PXYLP1: variants seen among roughly 807,000 people sequenced by gnomAD.
PXYLP1 encodes 2-phosphoxylose phosphatase 1.
In PXYLP1, 17 loss-of-function variants were observed where a neutral mutation model predicts 37.9. The ratio of observed to expected loss-of-function variants is 0.45; its 90% confidence interval spans 0.31 to 0.67. The LOEUF is 0.67. PXYLP1 is among the 30% of genes least tolerant of loss of function. PXYLP1 has a pLI of 0.07. For synonymous variants in PXYLP1, 221 were observed against 232.2 expected, an observed-to-expected ratio of 0.95 and a Z score of 0.44; for missense variants, 511 against 612.0, an observed-to-expected ratio of 0.84 and a Z score of 1.74.
chr3:141,270,644 GGGGGTGTTTTA>G (rs1941639286), intron 2 of PXYLP1, among the ~76,000 whole-genome samples: 1 of 152,162 alleles, frequency 6.6e-6, no homozygotes, highest in African/African-American at 2.4e-5. Flanking sequence ...TGGCAGGACT[GGGGGTGTTTTA>G]GCTTATGAGG....
At chr3:141,288,655 AG>A in intron 5 of PXYLP1, among the ~76,000 whole-genome samples, 1 of 152,200 alleles carries the variant, frequency 6.6e-6, no homozygotes, top group East Asian at 1.9e-4. Flanking sequence ...GCACTTTGGG[AG>A]GCTGAGGCAG....
At chr3:141,262,016 A>G (rs1161333559) in intron 2 of PXYLP1, 1 of 152,960 alleles carries the variant, frequency 6.5e-6, no homozygotes, top group Non-Finnish European at 1.5e-5. Context: ...TTTCTGTTGC[A>G]GTTTGAATGA....
chr3:141,280,275 G>A (rs181394928), intron 4 of PXYLP1, among the ~76,000 whole-genome samples: 3 of 152,338 alleles, frequency 2.0e-5, no homozygotes, highest in South Asian at 2.1e-4. Flanking sequence ...AGCCTGCCCC[G>A]GGAGGGCGAG....
rs141760656 is a variant in PXYLP1 at position 141,260,192 on chromosome 3, G to A, written c.17G>A (p.Arg6His). MLFRN[R>H]FLLLLALAAL... ...TACTTAATAATGCTTTTCCGCAACCGCTTCTTGCTGCTGCTGGCCCTGGCT... is the reference window on the plus strand; with the variant it reads ...TACTTAATAATGCTTTTCCGCAACCACTTCTTGCTGCTGCTGGCCCTGGCT... The change falls in exon 2 of 6, where the codon CGC becomes CAC. Residue 6 changes from arginine to histidine, a missense_variant. Transcript: ENST00000286353. 1.4e-5 allele frequency: 22 copies of A among 1,613,660 alleles called. No homozygotes were observed. The highest frequency in any genetic ancestry group is 1.0e-4 in the Admixed American group (6 of 59,998).
chr3:141,253,870 T>TC (rs1309906134), intron 1 of PXYLP1, among the ~76,000 whole-genome samples: 3 of 131,722 alleles, frequency 2.3e-5, no homozygotes, highest in African/African-American at 5.5e-5. Flanking sequence ...TAATATATAT[T>TC]AGATATGTAT....
chr3:141,289,951 A>G (rs942491977), intron 5 of PXYLP1, among the ~76,000 whole-genome samples: 1 of 152,154 alleles, frequency 6.6e-6, no homozygotes, highest in African/African-American at 2.4e-5. Flanking sequence ...TATCATCATC[A>G]TCGTTTCTAA....
chr3:141,260,380 C>A, intron 2 of PXYLP1, 126 bp downstream of exon 2: 3 of 1,099,732 alleles, frequency 2.7e-6, no homozygotes, highest in Non-Finnish European at 3.8e-6. Flanking sequence ...TTATTGTTGG[C>A]ACTCACAGTG....
intron 2 of PXYLP1, among the ~76,000 whole-genome samples, chr3:141,264,894 T>G (rs997144942): frequency 2.0e-5 from 3 of 152,208 alleles, no homozygotes; most frequent in Non-Finnish European, 4.4e-5. Flanking sequence ...ACCTGGCACA[T>G]AGTAATCACT....
At chr3:141,267,236 G>A (rs986950293) in intron 2 of PXYLP1, 1 of 152,212 alleles carries the variant, frequency 6.6e-6, no homozygotes, top group Admixed American at 6.5e-5. Context: ...AGAGTGGTAT[G>A]TTTGAATGTG....
intron 1 of PXYLP1, among the ~76,000 whole-genome samples, chr3:141,253,261 G>C (rs1941185586): frequency 6.6e-6 from 1 of 152,170 alleles, no homozygotes; most frequent in Non-Finnish European, 1.5e-5. Flanking sequence ...TGGGTGCTGG[G>C]CCAGGCAAGC....
intron 2 of PXYLP1, chr3:141,274,050 G>A: frequency 1.0e-6 from 1 of 987,204 alleles, no homozygotes. Flanking sequence ...GCTGTCATCT[G>A]CCTGAGGTCA....
intron 1 of PXYLP1, among the ~76,000 whole-genome samples, chr3:141,255,144 C>A (rs1241174503): frequency 6.6e-6 from 1 of 152,202 alleles, no homozygotes; most frequent in Non-Finnish European, 1.5e-5. Context: ...AAATTGTATT[C>A]TAAAATCTTT....
chr3:141,254,614 A>C (rs1340917944), intron 1 of PXYLP1, among the ~76,000 whole-genome samples: 1 of 151,728 alleles, frequency 6.6e-6, no homozygotes, highest in African/African-American at 2.4e-5. Flanking sequence ...TGGCAATTAA[A>C]CTCCACTTTG....
chr3:141,277,140 G>A (rs1201335598), intron 2 of PXYLP1, among the ~76,000 whole-genome samples: 1 of 152,118 alleles, frequency 6.6e-6, no homozygotes, highest in Non-Finnish European at 1.5e-5. Flanking sequence ...TTTTATCTTT[G>A]TTTATGGCAT....
In PXYLP1 at chr3:141,279,430, C is replaced by T. The variant is rs751479859; in HGVS notation, c.291C>T (p.His97=). 2.0e-5 allele frequency: 33 copies of T among 1,614,090 alleles called. No individual in the cohort carries two copies. In the East Asian group the frequency reaches 4.7e-4, roughly 23 times the overall value. Residue 97 remains histidine, a synonymous_variant, in exon 4 of 6, where the codon CAC becomes CAT. Coordinates refer to ENST00000286353, the MANE Select transcript of PXYLP1 (RefSeq NM_001037172.3). ...TCTCAGTGCATGTGTTCATTCGCCA[C>T]GGAGACAGGTACCCACTGTATGTCA... is the stretch of plus-strand genomic sequence containing the variant. The part of the protein sequence containing the change: ...KLVSVHVFIR[H]GDRYPLYVIP...
chr3:141,262,418 TAC>T, intron 2 of PXYLP1: 2 of 846,280 alleles, frequency 2.4e-6, no homozygotes, highest in South Asian at 1.1e-4. Flanking sequence ...GGTAGGATGT[TAC>T]AGTCAACCCT....
chr3:141,238,150 A>G (rs944042274), intron 1 of PXYLP1, among the ~76,000 whole-genome samples: 3 of 152,236 alleles, frequency 2.0e-5, no homozygotes, highest in African/African-American at 4.8e-5. Flanking sequence ...GAGAGCAGGT[A>G]GGGGACTAGC....
intron 1 of PXYLP1, among the ~76,000 whole-genome samples, chr3:141,241,911 G>A (rs1209404444): frequency 6.6e-6 from 1 of 152,156 alleles, no homozygotes; most frequent in Non-Finnish European, 1.5e-5. Context: ...CTTGTGCCCT[G>A]TCCCTCTGTG....
chr3:141,250,630 A>G (rs906491115), intron 1 of PXYLP1, among the ~76,000 whole-genome samples: 7 of 152,240 alleles, frequency 4.6e-5, no homozygotes, highest in African/African-American at 1.7e-4. Flanking sequence ...TGCTTCCAGT[A>G]GAGATGAACA....
Sources: allele counts gnomAD v4.1 joint callset (sites outside exome capture counted in the v4.1 genomes callset), GRCh38; gene constraint gnomAD v4.1.1; transcripts MANE v1.5; gene names NCBI Gene and HGNC (gene_info 2026-07-23, HGNC 2026-07-21).